Variants in CPNE8 observed in about 807,000 individuals in gnomAD.
CPNE8 encodes the protein copine 8.
Under a neutral mutation model 81.5 loss-of-function variants are expected in CPNE8, and 45 were observed. That is an observed-to-expected ratio of 0.55 (90% CI 0.44 to 0.71). The LOEUF (loss-of-function observed/expected upper bound fraction) is 0.71. Ranked by LOEUF, CPNE8 falls within the 30% of genes least tolerant of loss-of-function variation. CPNE8 has a pLI of 0.00. For synonymous variants in CPNE8, 252 were observed against 226.3 expected, an observed-to-expected ratio of 1.11 and a Z score of -1.02; for missense variants, 594 against 672.1, an observed-to-expected ratio of 0.88 and a Z score of 1.28.
intron 6 of CPNE8, among the ~76,000 whole-genome samples, chr12:38,796,500 G>A (rs1265019052): frequency 6.6e-6 from 1 of 152,138 alleles, no homozygotes; most frequent in Non-Finnish European, 1.5e-5. Context: ...GTCATACTCT[G>A]GGAGATGTTT....
intron 1 of CPNE8, among the ~76,000 whole-genome samples, chr12:38,901,711 A>G (rs1329093987): frequency 6.6e-6 from 1 of 152,178 alleles, no homozygotes; most frequent in Non-Finnish European, 1.5e-5. Flanking sequence ...CACCCCCTTA[A>G]CACAAATTTA....
chr12:38,784,294 A>G (rs1311059080), intron 6 of CPNE8, among the ~76,000 whole-genome samples: 2 of 152,214 alleles, frequency 1.3e-5, no homozygotes, highest in Non-Finnish European at 2.9e-5. Context: ...CTTGAAGACA[A>G]GCTATTTGAA....
chr12:38,689,359 T>G (rs1684395), intron 15 of CPNE8, among the ~76,000 whole-genome samples: 76,025 of 152,024 alleles, frequency 0.5, 20,095 homozygotes, highest in East Asian at 0.8. Flanking sequence ...TGTGGATTCA[T>G]CTCCATGCAA....
In CPNE8 at chr12:38,753,675, T is replaced by C. The variant is rs1159246923; in HGVS notation, c.722+7172A>G. 2.0e-5 allele frequency among the ~76,000 whole-genome samples: 3 copies of C among 152,202 alleles called. No individual in the cohort carries two copies. In the East Asian group the frequency reaches 5.8e-4, roughly 29 times the overall value. On this transcript the variant is annotated intron_variant, in intron 10 of 19. Transcript: ENST00000331366. ...TGCCCCCTTAACCACGGTTTCACTT[T>C]TTGTGGTTTCAGGTACCTGCTGTCA...
At chr12:38,884,422 T>C (rs939031012) in intron 1 of CPNE8, among the ~76,000 whole-genome samples, 8 of 152,242 alleles carry the variant, frequency 5.3e-5, no homozygotes, top group African/African-American at 1.9e-4. Context: ...ATGGATATAC[T>C]ACTTTGGTTC....
chr12:38,653,390 TG>T lies in CPNE8; in HGVS notation c.*491del, dbSNP rs1478484992. 3 of 152,676 alleles carry T rather than the reference TG, an allele frequency of 2.0e-5. No individual in the cohort carries two copies. The highest frequency in any genetic ancestry group is 4.4e-5 in the Non-Finnish European group (3 of 68,064). The allele number at this position is 152,676 out of a possible 1,614,324, so 9.5% of individuals were successfully genotyped here. A position where few individuals can be genotyped will look rare whatever the true frequency, so the allele number is the denominator to read the frequency against. ...TCCAGACAGTCATTCAAAGAGATATTGCTCTTGTGATTATAGCTATTGCAAT... is the reference window on the plus strand; with the variant it reads ...TCCAGACAGTCATTCAAAGAGATATTCTCTTGTGATTATAGCTATTGCAAT... On this transcript the variant is annotated 3_prime_UTR_variant, in exon 20 of 20. Transcript: ENST00000331366.
In CPNE8 at chr12:38,652,271, TAC is replaced by T. The variant is rs1938716945; in HGVS notation, c.*1609_*1610del. ...GCTAAATTTAAAAATCTGTAGGTAA[TAC>T]ACTGTAGTGGCATAAATATTTAAGA... On this transcript the variant is annotated 3_prime_UTR_variant, in exon 20 of 20. Transcript: ENST00000331366. The T allele has an allele frequency of 6.6e-6, 1 of 152,390 alleles. No homozygotes were observed. Among genetic ancestry groups the T allele is most frequent in the Middle Eastern group, 3.4e-3 (1 of 294 alleles). The allele number at this position is 152,390 out of a possible 1,614,324, so 9.4% of individuals were successfully genotyped here. A position where few individuals can be genotyped will look rare whatever the true frequency, so the allele number is the denominator to read the frequency against.
At chr12:38,758,680 T>C (rs1030188007) in intron 10 of CPNE8, among the ~76,000 whole-genome samples, 6 of 152,112 alleles carry the variant, frequency 3.9e-5, no homozygotes, top group African/African-American at 1.2e-4. Flanking sequence ...GAAAATTAAA[T>C]AAGGAATAAC....
chr12:38,885,176 G>C (rs951228261), intron 1 of CPNE8, among the ~76,000 whole-genome samples: 1 of 152,076 alleles, frequency 6.6e-6, no homozygotes, highest in East Asian at 1.9e-4. Context: ...CTTATATACA[G>C]AAAATGATAT....
chr12:38,802,797 A>G (rs1460661913), intron 6 of CPNE8, among the ~76,000 whole-genome samples: 2 of 141,168 alleles, frequency 1.4e-5, no homozygotes, highest in Non-Finnish European at 3.1e-5. Flanking sequence ...AGAATCAAAT[A>G]GACACAATAA....
At position 38,787,486 on chromosome 12, in the gene CPNE8, T is replaced by TAA. The variant is rs34801044; in HGVS notation, c.408-11187_408-11186dup. On this transcript the variant is annotated intron_variant, in intron 6 of 19. Transcript: ENST00000331366. ...AGTTTATAGCTGTAAGTGCTTCCAT[T>TAA]AAAAAAAAAAAAAAGAAAAACTTCA... 2.0e-3 allele frequency among the ~76,000 whole-genome samples: 259 copies of TAA among 130,504 alleles called. 1 individual carries two copies. The highest frequency in any genetic ancestry group is 5.6e-3 in the African/African-American group (200 of 35,600). The allele number at this position is 130,504 out of a possible 152,430, so 85.6% of individuals were successfully genotyped here. A position where few individuals can be genotyped will look rare whatever the true frequency, so the allele number is the denominator to read the frequency against.
chr12:38,799,788 C>A, intron 6 of CPNE8, among the ~76,000 whole-genome samples: 1 of 141,338 alleles, frequency 7.1e-6, no homozygotes, highest in Non-Finnish European at 1.6e-5. Flanking sequence ...GGGCGCAGGC[C>A]AGTGTGTGCG....
chr12:38,782,107 A>G (rs1942065441), intron 6 of CPNE8, among the ~76,000 whole-genome samples: 1 of 152,140 alleles, frequency 6.6e-6, no homozygotes. Flanking sequence ...AAATGTATTA[A>G]ATACCATGGT....
intron 10 of CPNE8, among the ~76,000 whole-genome samples, chr12:38,759,404 A>G (rs1399729940): frequency 1.3e-5 from 2 of 152,218 alleles, no homozygotes; most frequent in African/African-American, 4.8e-5. Flanking sequence ...ATCTCAGTGA[A>G]TCAAGTTTAA....
rs532980043 is a variant in CPNE8 at position 38,831,717 on chromosome 12, G to A, written c.331-2262C>T. Among the ~76,000 whole-genome samples the A allele has an allele frequency of 2.6e-5, 4 of 152,160 alleles. No homozygotes were observed. In the East Asian group the frequency reaches 5.8e-4, roughly 22 times the overall value. ...CAAAACAGATTTTACAAATGTTTAT[G>A]GAATTTTAATAAACCTAAATTTCTT... is the stretch of plus-strand genomic sequence containing the variant. On this transcript the variant is annotated intron_variant, in intron 5 of 19. Transcript: ENST00000331366.
At chr12:38,737,173 G>T (rs1365822125) in intron 10 of CPNE8, among the ~76,000 whole-genome samples, 10 of 151,430 alleles carry the variant, frequency 6.6e-5, no homozygotes, top group Non-Finnish European at 1.5e-4. Context: ...CAAAAAAGCA[G>T]CACTATTATA....
intron 6 of CPNE8, among the ~76,000 whole-genome samples, chr12:38,829,116 A>G (rs1943245355): frequency 6.6e-6 from 1 of 152,246 alleles, no homozygotes; most frequent in Non-Finnish European, 1.5e-5. Context: ...CTGATAATTA[A>G]TAGTACAACC....
At chr12:38,717,429 G>GTGTATA (rs770984926) in intron 13 of CPNE8, among the ~76,000 whole-genome samples, 17 of 87,034 alleles carry the variant, frequency 2.0e-4, no homozygotes, top group East Asian at 1.8e-3. Context: ...AAAGTGTGGT[G>GTGTATA]TATATATATA....
intron 6 of CPNE8, among the ~76,000 whole-genome samples, chr12:38,808,668 G>A (rs148929428): frequency 0.04 from 5,973 of 150,894 alleles, 375 homozygotes; most frequent in African/African-American, 0.13. Flanking sequence ...ACAAGTTAAT[G>A]GGTGCAGCAC....
Sources: gnomAD v4.1 joint callset for allele counts (sites outside exome capture counted in the v4.1 genomes callset) on GRCh38, gnomAD v4.1.1 for gene constraint, MANE v1.5 for transcripts, NCBI Gene and HGNC (gene_info 2026-07-23, HGNC 2026-07-21) for gene names.